SPG11: variants seen among roughly 807,000 people sequenced by gnomAD.
SPG11 encodes SPG11 vesicle trafficking associated, spatacsin.
A neutral mutation model predicts 274.0 loss-of-function variants in SPG11; 222 were observed. That is an observed-to-expected ratio of 0.81 (90% CI 0.73 to 0.91). SPG11 has a LOEUF of 0.91. Among genes scored for constraint, SPG11 ranks in the 40% least tolerant of loss-of-function variants. The pLI, the probability that SPG11 is intolerant of heterozygous loss-of-function variation, is 0.00. For missense variants in SPG11, 3,114 were observed against 2,872.7 expected (o/e 1.08, Z -1.92); for synonymous variants, 1,144 against 1,039.7 (o/e 1.10, Z -1.93).
At chr15:44,600,696 C>G in intron 20 of SPG11, 64 bp from the exon 21 acceptor site, 1 of 1,524,914 alleles carries the variant, frequency 6.6e-7, no homozygotes, top group Non-Finnish European at 9.1e-7. Context: ...CAGATTTGCA[C>G]ATGGAACTCT....
rs375836082 is a variant in SPG11, at chr15:44,624,960, C to A, written c.2244+1371G>T. On this transcript the variant is annotated intron_variant, in intron 11 of 39. Coordinates refer to ENST00000261866, the MANE Select transcript of SPG11 (RefSeq NM_025137.4). ...GACCAGCCTGACCAACATGGAGAAA[C>A]CCCGTCTCTGCTAAAAATACACAAA... Among the ~76,000 whole-genome samples the A allele has an allele frequency of 5.9e-5, 9 of 152,012 alleles. No individual in the cohort carries two copies. In the East Asian group the frequency reaches 1.5e-3, roughly 26 times the overall value.
Position 44,663,430 on chromosome 15 carries a change from C to A in SPG11, c.218G>T (p.Arg73Leu). The change falls in exon 1 of 40, where the codon CGG becomes CTG. Residue 73 changes from arginine to leucine, a missense_variant. Physicochemically the swap from Arg to Leu is moderately radical, Grantham distance 102 (BLOSUM62 -2). Transcript: ENST00000261866. ...LQVLSLTPGS[R>L]GGGRCCLEGP... ...CTCCAGGCAGCAGCGACCCCCGCCC[C>A]GGCTGCCAGGCGTCAAAGAAAGCAC... 1 of 1,604,548 alleles carries A rather than the reference C, an allele frequency of 6.2e-7. No homozygotes were observed. Among genetic ancestry groups the A allele is most frequent in the East Asian group, 2.3e-5 (1 of 44,326 alleles).
chr15:44,563,529 C>T lies in SPG11; in HGVS notation c.7152-228G>A, dbSNP rs115379253. ...ATTTTTCTAATTTTAGTAGAGACAG[C>T]GTTCTGCTATGTTGGCTAGGCTGGT... is the stretch of plus-strand genomic sequence containing the variant. On this transcript the variant is annotated intron_variant, in intron 39 of 39. Coordinates refer to ENST00000261866, the MANE Select transcript of SPG11 (RefSeq NM_025137.4). 1.2e-3 allele frequency among the ~76,000 whole-genome samples: 188 copies of T among 152,208 alleles called. 2 individuals are homozygous for T. Among genetic ancestry groups the T allele is most frequent in the African/African-American group, 4.4e-3 (183 of 41,534 alleles).
At chr15:44,575,154 TCTGA>T (rs1301239673) in intron 30 of SPG11, 113 bp from the exon 31 acceptor site, 2 of 1,328,690 alleles carry the variant, frequency 1.5e-6, no homozygotes, top group East Asian at 2.5e-5. Context: ...CTCCCATTAC[TCTGA>T]CTGGGGATAG....
intron 3 of SPG11, among the ~76,000 whole-genome samples, 173 bp from the exon 4 acceptor site, chr15:44,657,469 T>C (rs1356197774): frequency 1.4e-4 from 22 of 152,188 alleles, no homozygotes; most frequent in Non-Finnish European, 1.5e-5. Flanking sequence ...ATGAAGTTGA[T>C]GCCACAATAA....
At chr15:44,637,404 C>T (rs1169707446) in intron 7 of SPG11, among the ~76,000 whole-genome samples, 2 of 152,168 alleles carry the variant, frequency 1.3e-5, no homozygotes, top group East Asian at 3.9e-4. Flanking sequence ...CCTCCACCTC[C>T]TGGGTTCAAA....
intron 25 of SPG11, among the ~76,000 whole-genome samples, 186 bp downstream of exon 25, chr15:44,595,897 A>G (rs1271220375): frequency 6.6e-6 from 1 of 152,258 alleles, no homozygotes; most frequent in Non-Finnish European, 1.5e-5. Context: ...GTCAAGGCAC[A>G]AGAAAGTACA....
chr15:44,572,893 A>G, intron 32 of SPG11, 73 bp from the exon 33 acceptor site: 1 of 1,515,794 alleles, frequency 6.6e-7, no homozygotes, highest in South Asian at 1.1e-5. Flanking sequence ...CTTAGGCACC[A>G]GGAGGTAATG....
At chr15:44,579,907 T>C (rs1259632921) in intron 30 of SPG11, among the ~76,000 whole-genome samples, 1 of 152,224 alleles carries the variant, frequency 6.6e-6, no homozygotes, top group Non-Finnish European at 1.5e-5. Context: ...GCACAATTAC[T>C]TAATTTTTAA....
At chr15:44,632,303 T>C (rs1432760731) in intron 8 of SPG11, among the ~76,000 whole-genome samples, 1 of 152,156 alleles carries the variant, frequency 6.6e-6, no homozygotes, top group African/African-American at 2.4e-5. Flanking sequence ...TCTGGTCTGA[T>C]GGGGCCTAGT....
chr15:44,579,390 T>C (rs1248679097), intron 30 of SPG11, among the ~76,000 whole-genome samples: 1 of 147,248 alleles, frequency 6.8e-6, no homozygotes, highest in Admixed American at 6.9e-5. Flanking sequence ...CAAAAATAGC[T>C]GGGCGTGGTG....
intron 8 of SPG11, among the ~76,000 whole-genome samples, chr15:44,630,356 A>G (rs928652629): frequency 6.6e-6 from 1 of 152,202 alleles, no homozygotes; most frequent in Non-Finnish European, 1.5e-5. Flanking sequence ...CACCCTTTAG[A>G]GCTGAGCAGT....
intron 30 of SPG11, among the ~76,000 whole-genome samples, chr15:44,579,910 A>G (rs983383113): frequency 2.6e-5 from 4 of 152,202 alleles, no homozygotes; most frequent in African/African-American, 9.6e-5. Context: ...CAATTACTTA[A>G]TTTTTAAATA....
At chr15:44,580,110 T>TAC (rs1319340929) in intron 30 of SPG11, among the ~76,000 whole-genome samples, 1 of 152,208 alleles carries the variant, frequency 6.6e-6, no homozygotes, top group Non-Finnish European at 1.5e-5. Flanking sequence ...TCCAATTGTT[T>TAC]ATTTCCTGAA....
At chr15:44,563,835 C>A (rs925305173) in intron 39 of SPG11, among the ~76,000 whole-genome samples, 1 of 152,120 alleles carries the variant, frequency 6.6e-6, no homozygotes, top group African/African-American at 2.4e-5. Context: ...TCTGAAGTAC[C>A]ACTTACTATT....
At chr15:44,602,371 T>C (rs1368551445) in intron 20 of SPG11, among the ~76,000 whole-genome samples, 4 of 152,206 alleles carry the variant, frequency 2.6e-5, no homozygotes, top group Non-Finnish European at 5.9e-5. Context: ...CTTTATAATG[T>C]TGAGATGCAT....
Position 44,563,085 on chromosome 15 carries a change from C to T in SPG11, c.*36G>A, listed in dbSNP as rs758609768. ...TTCTCATCACATCTGTCAGAATCTG[C>T]TAACAGTACAAGAAAACAGACACCT... On this transcript the variant is annotated 3_prime_UTR_variant, in exon 40 of 40. Coordinates refer to ENST00000261866, the MANE Select transcript of SPG11 (RefSeq NM_025137.4). The T allele has an allele frequency of 6.2e-7, 1 of 1,601,708 alleles. No individual in the cohort carries two copies. The highest frequency in any genetic ancestry group is 1.7e-5 in the Admixed American group (1 of 59,972).
Position 44,600,613 on chromosome 15 carries a change from T to C in SPG11, c.3540A>G (p.Pro1180=). The change falls in exon 21 of 40, where the codon CCA becomes CCG. Residue 1180 remains proline, a synonymous_variant. Coordinates refer to ENST00000261866, the MANE Select transcript of SPG11 (RefSeq NM_025137.4). ...TAACCAGGTCAGGGCTAGAGAAATG[T>C]GGGAGATGACTCCATGCATCTAGGG... The part of the protein sequence containing the change: ...LAIGDAWSHL[P]HFSSPDLVNK... 6.2e-7 allele frequency: 1 copy of C among 1,614,112 alleles called. No homozygotes were observed. The highest frequency in any genetic ancestry group is 8.5e-7 in the Non-Finnish European group (1 of 1,179,974).
chr15:44,582,630 A>T (rs956659365), intron 30 of SPG11, among the ~76,000 whole-genome samples: 3 of 152,182 alleles, frequency 2.0e-5, no homozygotes, highest in African/African-American at 7.2e-5. Context: ...ACAAAACAGC[A>T]AATTGATTCC....
Sources: gnomAD v4.1 joint callset for allele counts (sites outside exome capture counted in the v4.1 genomes callset) on GRCh38, gnomAD v4.1.1 for gene constraint, MANE v1.5 for transcripts, NCBI Gene and HGNC (gene_info 2026-07-23, HGNC 2026-07-21) for gene names.